EYS: variants seen among roughly 807,000 people sequenced by gnomAD.
The protein encoded by EYS is protein eyes shut homolog.
Under a neutral mutation model 282.1 loss-of-function variants are expected in EYS, and 250 were observed. That is an observed-to-expected ratio of 0.89 (90% confidence interval 0.80 to 0.98). The LOEUF (loss-of-function observed/expected upper bound fraction) is 0.98. Among genes scored for constraint, EYS ranks in the 50% least tolerant of loss-of-function variants. The pLI, the probability that EYS is intolerant of heterozygous loss-of-function variation, is 0.00. For missense variants in EYS, 4,016 were observed against 3,709.0 expected (o/e 1.08, Z -2.15); for synonymous variants, 1,355 against 1,282.9 (o/e 1.06, Z -1.20).
intron 31 of EYS, among the ~76,000 whole-genome samples, chr6:64,134,459 T>C (rs1362143888): frequency 2.0e-5 from 3 of 151,872 alleles, no homozygotes; most frequent in African/African-American, 7.3e-5. Flanking sequence ...CTAGTGAAAA[T>C]ATATACCCAG....
chr6:65,329,590 A>G, intron 11 of EYS: 1 of 981,740 alleles, frequency 1.0e-6, no homozygotes, highest in Non-Finnish European at 1.2e-6. Context: ...TTAAAGGTAA[A>G]AATATACCCA....
rs184891994 is a variant in EYS at position 64,446,443 on chromosome 6, A to G, written c.5645-7091T>C. Among the ~76,000 whole-genome samples, 11 of 152,220 alleles carry G rather than the reference A, an allele frequency of 7.2e-5. No homozygotes were observed. In the East Asian group the frequency reaches 1.7e-3, roughly 24 times the overall value. ...TATATAGAAAATACACCAAATGAGT[A>G]TAATATTTCTCTCAGATTAATTATG... On this transcript the variant is annotated intron_variant, in intron 26 of 42. Coordinates refer to ENST00000503581, the MANE Select transcript of EYS (RefSeq NM_001142800.2).
chr6:65,675,078 C>A (rs887910515), intron 1 of EYS, among the ~76,000 whole-genome samples: 1 of 151,362 alleles, frequency 6.6e-6, no homozygotes, highest in African/African-American at 2.4e-5. Flanking sequence ...TATGGAAGCC[C>A]CATGGTAACT....
At chr6:65,033,373 T>C (rs748114318) in intron 13 of EYS, among the ~76,000 whole-genome samples, 6 of 152,092 alleles carry the variant, frequency 3.9e-5, no homozygotes, top group Non-Finnish European at 7.4e-5. Flanking sequence ...GCCAGAGCAA[T>C]GGAAAACATG....
chr6:65,573,905 G>A (rs749204877), intron 2 of EYS, among the ~76,000 whole-genome samples: 6 of 152,068 alleles, frequency 3.9e-5, no homozygotes, highest in Non-Finnish European at 7.4e-5. Flanking sequence ...AAGCCTCTAT[G>A]ACCCAGGCAC....
At chr6:64,400,481 A>T (rs1477566885) in intron 28 of EYS, 1 of 152,042 alleles carries the variant, frequency 6.6e-6, no homozygotes, top group Non-Finnish European at 1.5e-5. Flanking sequence ...TCTTTGTCAT[A>T]GATGCAATTC....
intron 24 of EYS, among the ~76,000 whole-genome samples, chr6:64,614,382 C>A (rs1209405912): frequency 6.6e-6 from 1 of 151,868 alleles, no homozygotes; most frequent in Non-Finnish European, 1.5e-5. Flanking sequence ...TATAAAATTA[C>A]AAGACACACT....
chr6:65,342,172 CTTAT>C (rs1220475889), intron 10 of EYS, among the ~76,000 whole-genome samples: 3 of 150,898 alleles, frequency 2.0e-5, no homozygotes, highest in Non-Finnish European at 4.5e-5. Context: ...TCTAAAGAGG[CTTAT>C]TTATTTAAAA....
chr6:64,117,630 A>G (rs11962675), intron 31 of EYS, among the ~76,000 whole-genome samples: 7,459 of 151,876 alleles, frequency 0.049, 558 homozygotes, highest in African/African-American at 0.16. Context: ...AAAAAATCCT[A>G]GATACAACCT....
chr6:63,782,310 G>T (rs549745343), intron 39 of EYS, among the ~76,000 whole-genome samples: 1 of 152,306 alleles, frequency 6.6e-6, no homozygotes, highest in South Asian at 2.1e-4. Context: ...GATTGGAATA[G>T]TTTCAGAAGG....
chr6:65,035,776 G>T (rs1772748840), intron 13 of EYS, among the ~76,000 whole-genome samples: 1 of 151,592 alleles, frequency 6.6e-6, no homozygotes. Context: ...AGATTCCAAT[G>T]CTCTGTCAAA....
intron 12 of EYS, among the ~76,000 whole-genome samples, chr6:65,286,514 C>A (rs983746431): frequency 1.3e-5 from 2 of 151,520 alleles, no homozygotes; most frequent in Non-Finnish European, 3.0e-5. Flanking sequence ...GACCTGTAAC[C>A]CACAGAAATA....
chr6:63,832,327 A>T (rs1771665091), intron 36 of EYS, among the ~76,000 whole-genome samples: 1 of 152,154 alleles, frequency 6.6e-6, no homozygotes, highest in Non-Finnish European at 1.5e-5. Context: ...TAGCAAGACT[A>T]ATAAAGAAGA....
At chr6:65,053,481 A>G (rs191129087) in intron 13 of EYS, among the ~76,000 whole-genome samples, 18 of 151,942 alleles carry the variant, frequency 1.2e-4, no homozygotes, top group Admixed American at 3.9e-4. Context: ...TTCTTATATA[A>G]AAAAGATAGA....
At chr6:64,258,385 G>A (rs541521914) in intron 30 of EYS, among the ~76,000 whole-genome samples, 37 of 151,868 alleles carry the variant, frequency 2.4e-4, no homozygotes, top group Non-Finnish European at 3.8e-4. Flanking sequence ...AAAATAAATC[G>A]GTTGCTAATC....
At chr6:65,530,859 TAA>T (rs779455173) in intron 2 of EYS, among the ~76,000 whole-genome samples, 13 of 152,184 alleles carry the variant, frequency 8.5e-5, no homozygotes, top group Non-Finnish European at 1.9e-4. Flanking sequence ...TGCTTGCACT[TAA>T]AAATATGAAG....
intron 30 of EYS, among the ~76,000 whole-genome samples, chr6:64,234,880 C>CT (rs11309411): frequency 2.7e-4 from 39 of 146,472 alleles, no homozygotes; most frequent in Middle Eastern, 3.5e-3. Flanking sequence ...GAACTTTATT[C>CT]TTTTTTTTTT....
intron 35 of EYS, among the ~76,000 whole-genome samples, chr6:63,890,896 T>C (rs766481301): frequency 6.6e-6 from 1 of 152,106 alleles, no homozygotes; most frequent in Non-Finnish European, 1.5e-5. Context: ...TAAAAAGTGA[T>C]AGAGGGGAAA....
chr6:64,406,489 G>A (rs1377712664), intron 28 of EYS, among the ~76,000 whole-genome samples: 2 of 152,268 alleles, frequency 1.3e-5, no homozygotes, highest in East Asian at 3.9e-4. Context: ...AAGAGCTTCT[G>A]CACAGCAAAA....
Sources: gnomAD v4.1 joint callset for allele counts (sites outside exome capture counted in the v4.1 genomes callset) on GRCh38, gnomAD v4.1.1 for gene constraint, MANE v1.5 for transcripts, NCBI Gene and HGNC (gene_info 2026-07-23, HGNC 2026-07-21) for gene names.